Variants in PLEKHG5 observed in about 807,000 individuals in gnomAD.
PLEKHG5 encodes the protein pleckstrin homology domain-containing family G member 5.
PLEKHG5 carries 52 observed loss-of-function variants against 103.8 expected under a neutral mutation model. The observed-to-expected ratio is 0.50, with a 90% confidence interval of 0.40 to 0.63. The LOEUF (loss-of-function observed/expected upper bound fraction) is 0.63. Among genes scored for constraint, PLEKHG5 ranks in the 30% least tolerant of loss-of-function variants. The pLI is 0.00. For missense variants in PLEKHG5, 1,205 were observed against 1,347.6 expected (o/e 0.89, Z 1.66); for synonymous variants, 592 against 575.5 (o/e 1.03, Z -0.41).
chr1:6,511,068 G>A (rs367793870), intron 1 of PLEKHG5, among the ~76,000 whole-genome samples: 1 of 151,966 alleles, frequency 6.6e-6, no homozygotes, highest in African/African-American at 2.4e-5. Flanking sequence ...CAGCCTCAGC[G>A]ACCGAGTGAA....
chr1:6,470,930 C>G (rs999156279), intron 13 of PLEKHG5, 46 bp from the exon 14 acceptor site: 2 of 1,547,372 alleles, frequency 1.3e-6, no homozygotes, highest in Non-Finnish European at 1.7e-6. Context: ...CCCCGCCCCA[C>G]CCGGCCCCGT....
chr1:6,468,742 C>T (rs1164033564), intron 19 of PLEKHG5, among the ~76,000 whole-genome samples, 156 bp from the exon 20 acceptor site: 1 of 152,168 alleles, frequency 6.6e-6, no homozygotes, highest in African/African-American at 2.4e-5. Flanking sequence ...GATCTTCCAG[C>T]TCCAGTGCCC....
Position 6,468,233 on chromosome 1 carries a change from C to T in PLEKHG5, c.2603G>A (p.Ser868Asn). 6.3e-7 allele frequency: 1 copy of T among 1,593,998 alleles called. No individual in the cohort carries two copies. The highest frequency in any genetic ancestry group is 8.6e-7 in the Non-Finnish European group (1 of 1,167,704). ...LRRRTPVQLLSCPPHLLKSKS... is the reference protein window; with the variant it reads ...LRRRTPVQLLNCPPHLLKSKS... The stretch of plus-strand genomic sequence containing the variant: ...AGACTTGAGCAGGTGGGGCGGGCAG[C>T]TCAACAGCTGGACAGGGGTGCGGCG... Residue 868 changes from serine to asparagine, a missense_variant, in exon 20 of 21, where the codon AGC becomes AAC. Transcript: ENST00000377728.
chr1:6,514,701 C>T (rs1638567610), intron 1 of PLEKHG5, among the ~76,000 whole-genome samples: 1 of 151,208 alleles, frequency 6.6e-6, no homozygotes, highest in Non-Finnish European at 1.5e-5. Context: ...GCGGAGGTTG[C>T]AGCGAGCCGA....
chr1:6,467,365 G>C lies in PLEKHG5; in HGVS notation c.*198C>G. The C allele has an allele frequency of 2.8e-6, 2 of 718,178 alleles. No individual in the cohort carries two copies. The highest frequency in any genetic ancestry group is 5.1e-6 in the Non-Finnish European group (2 of 394,306). 44.5% of individuals were successfully genotyped at this position (718,178 alleles called of 1,614,324 possible). On this transcript the variant is annotated 3_prime_UTR_variant, in exon 21 of 21. Coordinates refer to ENST00000377728, the MANE Select transcript of PLEKHG5 (RefSeq NM_020631.6). ...ACGAGGGGCTGCCTGGGCAGGTGGGGTGGTACTGTGGCCTGGGCCTCCTCC... is the reference window on the plus strand; with the variant it reads ...ACGAGGGGCTGCCTGGGCAGGTGGGCTGGTACTGTGGCCTGGGCCTCCTCC...
chr1:6,480,191 C>A (rs918546299), intron 1 of PLEKHG5, among the ~76,000 whole-genome samples: 3 of 151,968 alleles, frequency 2.0e-5, no homozygotes, highest in African/African-American at 7.2e-5. Flanking sequence ...GTCAGGAGTT[C>A]AAGACCAGCC....
chr1:6,497,802 C>T (rs1645250778), upstream of PLEKHG5, among the ~76,000 whole-genome samples: 1 of 152,326 alleles, frequency 6.6e-6, no homozygotes, highest in East Asian at 1.9e-4. The surrounding 1 kb of genome is among the most constrained non-coding windows in gnomAD (Gnocchi z 6.1). Flanking sequence ...GGGAGAGACT[C>T]GCCTGCCACG....
chr1:6,469,598 T>C lies in PLEKHG5; in HGVS notation c.1879A>G (p.Ile627Val). The C allele has an allele frequency of 6.2e-7, 1 of 1,613,884 alleles. No individual in the cohort carries two copies. The highest frequency in any genetic ancestry group is 8.5e-7 in the Non-Finnish European group (1 of 1,180,034). Residue 627 changes from isoleucine to valine, a missense_variant, in exon 17 of 21, where the codon ATC (isoleucine) becomes GTC (valine). Physicochemically the swap from Ile to Val is conservative, Grantham distance 29. Coordinates refer to ENST00000377728, the MANE Select transcript of PLEKHG5 (RefSeq NM_020631.6). ...TTGTCCACGAGCAGGGGTGGCCTGATGACCCTGGTCCTCTCTGCCTTCTTC... is the reference window on the plus strand; with the variant it reads ...TTGTCCACGAGCAGGGGTGGCCTGACGACCCTGGTCCTCTCTGCCTTCTTC... Reference protein sequence around the residue: ...AVKKAERTRVIRPPLLVDKIV... With the variant: ...AVKKAERTRVVRPPLLVDKIV...
chr1:6,515,690 T>G (rs1400367746), intron 1 of PLEKHG5, among the ~76,000 whole-genome samples: 1 of 151,486 alleles, frequency 6.6e-6, no homozygotes, highest in South Asian at 2.1e-4. Flanking sequence ...AAAAAAAGAC[T>G]ATGTAAGAGG....
upstream of PLEKHG5, chr1:6,497,051 C>G: frequency 6.7e-7 from 1 of 1,496,772 alleles, no homozygotes. The surrounding 1 kb of genome is among the most constrained non-coding windows in gnomAD (Gnocchi z 6.1). Context: ...TGAATTTGGC[C>G]CCCTCCAAGC....
At position 6,468,153 on chromosome 1, in the gene PLEKHG5, G is replaced by C. The variant is rs753662166; in HGVS notation, c.2683C>G (p.Pro895Ala). The C allele has an allele frequency of 1.3e-6, 2 of 1,570,754 alleles. No individual in the cohort carries two copies. The highest frequency in any genetic ancestry group is 1.7e-6 in the Non-Finnish European group (2 of 1,157,588). ...LLAGAGTHGT[P>A]SAPSRSLSEL... ...GACAGGCTGCGGCTGGGGGCAGAGG[G>C]TGTCCCATGGGTGCCAGCCCCTGCC... Residue 895 changes from proline (P) to alanine (A), a missense_variant, in exon 20 of 21, where the codon CCC becomes GCC. Physicochemically the swap from Pro to Ala is conservative, Grantham distance 27 (BLOSUM62 -1). Coordinates refer to ENST00000377728, the MANE Select transcript of PLEKHG5 (RefSeq NM_020631.6).
At chr1:6,491,849 T>G (rs971182969), upstream of PLEKHG5, 9 of 213,308 alleles carry the variant, frequency 4.2e-5, no homozygotes, top group Admixed American at 6.5e-5. This position sits in a 1 kb window ranked among gnomAD's most constrained non-coding sequence, Gnocchi z 4.1. Flanking sequence ...TGTCTCTTCT[T>G]GCATATGTCT....
rs909809050 is a variant in PLEKHG5, at chr1:6,467,404, C to T, written c.*159G>A. The T allele has an allele frequency of 4.6e-5, 38 of 824,854 alleles. No homozygotes were observed. The highest frequency in any genetic ancestry group is 2.4e-4 in the South Asian group (18 of 74,486). 51.1% of individuals were successfully genotyped at this position (824,854 alleles called of 1,614,324 possible). Reference sequence around the variant, plus strand: ...TGGGCCTCCTCCACTCCATCCAGTCCGGCAAAGCGCAAATCGGGCCCGGGC... The same window carrying T: ...TGGGCCTCCTCCACTCCATCCAGTCTGGCAAAGCGCAAATCGGGCCCGGGC... On this transcript the variant is annotated 3_prime_UTR_variant, in exon 21 of 21. Transcript: ENST00000377728.
upstream of PLEKHG5, among the ~76,000 whole-genome samples, chr1:6,493,661 T>C (rs765150687): frequency 3.9e-5 from 6 of 152,120 alleles, no homozygotes; most frequent in Non-Finnish European, 5.9e-5. Flanking sequence ...ATTATTATTA[T>C]TGGGTGTTTT....
rs58196009 is a variant in PLEKHG5 at position 6,475,383 on chromosome 1, T to A, written c.210+79A>T. 1,313 of 1,261,152 alleles carry A rather than the reference T, an allele frequency of 1.0e-3. 11 individuals carry two copies. In the African/African-American group the frequency reaches 0.018, roughly 17 times the overall value. The allele number at this position is 1,261,152 out of a possible 1,614,324, so 78.1% of individuals were successfully genotyped here. A position where few individuals can be genotyped will look rare whatever the true frequency, so the allele number is the denominator to read the frequency against. On this transcript the variant is annotated intron_variant, in intron 4 of 20. Transcript: ENST00000377728. ...TGGGATGCAGACCTCCCCACCCCCATCCCGGAGGAAGGCCCAGGCTCGGGG... is the reference window on the plus strand; with the variant it reads ...TGGGATGCAGACCTCCCCACCCCCAACCCGGAGGAAGGCCCAGGCTCGGGG...
upstream of PLEKHG5, among the ~76,000 whole-genome samples, chr1:6,501,487 A>G (rs534209542): frequency 6.6e-6 from 1 of 152,102 alleles, no homozygotes; most frequent in African/African-American, 2.4e-5. This position sits in a 1 kb window ranked among gnomAD's most constrained non-coding sequence, Gnocchi z 4.3. Flanking sequence ...TGTCTTCCCC[A>G]TCAGACGGCT....
At chr1:6,506,382 C>A (rs1342845781) in intron 1 of PLEKHG5, among the ~76,000 whole-genome samples, 1 of 152,204 alleles carries the variant, frequency 6.6e-6, no homozygotes, top group Non-Finnish European at 1.5e-5. Flanking sequence ...AAGCGCCTTT[C>A]TTCCCCTCCT....
exon 1 of PLEKHG5, chr1:6,519,468 C>A: frequency 6.2e-7 from 1 of 1,613,918 alleles, no homozygotes; most frequent in Non-Finnish European, 8.5e-7. Flanking sequence ...AAGGCTGAGC[C>A]AGCTTCGAGG....
chr1:6,468,601 G>A lies in PLEKHG5; in HGVS notation c.2250-15C>T, dbSNP rs925848792. 6 of 1,612,752 alleles carry A rather than the reference G, an allele frequency of 3.7e-6. No homozygotes were observed. In the African/African-American group the frequency reaches 6.7e-5, roughly 18 times the overall value. ...CATCTGAGGCACTGTGGGGCCAGGAGCAGAGTCAGCCCAGGCCATGAAACC... is the reference window on the plus strand; with the variant it reads ...CATCTGAGGCACTGTGGGGCCAGGAACAGAGTCAGCCCAGGCCATGAAACC... On this transcript the variant is annotated splice_polypyrimidine_tract_variant and intron_variant, in intron 19 of 20. Coordinates refer to ENST00000377728, the MANE Select transcript of PLEKHG5 (RefSeq NM_020631.6).
Sources: gnomAD v4.1 joint callset for allele counts (sites outside exome capture counted in the v4.1 genomes callset) on GRCh38, gnomAD v4.1.1 for gene constraint, Gnocchi (gnomAD v3.1) non-coding constraint, MANE v1.5 for transcripts, NCBI Gene and HGNC (gene_info 2026-07-23, HGNC 2026-07-21) for gene names.